The following SGPP2 variants were observed in gnomAD, a reference collection of about 807,000 sequenced individuals.
SGPP2 encodes the protein sphingosine-1-phosphate phosphatase 2.
A neutral mutation model predicts 33.9 loss-of-function variants in SGPP2; 30 were observed. The ratio of observed to expected loss-of-function variants is 0.89; its 90% CI spans 0.66 to 1.20. The LOEUF is 1.20. Among genes scored for constraint, SGPP2 ranks in the 50% most tolerant of loss-of-function variants. The pLI is 0.00. For missense variants in SGPP2, 458 were observed against 532.1 expected (o/e 0.86, Z 1.37); for synonymous variants, 233 against 225.0 (o/e 1.04, Z -0.32).
intron 4 of SGPP2, among the ~76,000 whole-genome samples, chr2:222,542,871 C>G (rs548244927): frequency 1.3e-5 from 2 of 151,088 alleles, no homozygotes; most frequent in African/African-American, 4.9e-5. Flanking sequence ...CTCACTGCAG[C>G]CTTGACCTCC....
At position 222,559,159 on chromosome 2, in the gene SGPP2, G is replaced by GCCACC. The variant is rs1306968136; in HGVS notation, c.*262_*263insCACCC. On this transcript the variant is annotated 3_prime_UTR_variant, in exon 5 of 5. Coordinates refer to ENST00000321276, the MANE Select transcript of SGPP2 (RefSeq NM_152386.4). ...ATCCGGATCTTTAAAGGCACACACC[G>GCCACC]CGCCCCCCCCCCCCCCGCCCGGCCC... The GCCACC allele has an allele frequency of 3.9e-5, 1 of 25,546 alleles. No individual in the cohort carries two copies. Among genetic ancestry groups the GCCACC allele is most frequent in the African/African-American group, 2.5e-4 (1 of 3,936 alleles). 1.6% of individuals were successfully genotyped at this position (25,546 alleles called of 1,614,324 possible).
At chr2:222,526,868 T>C (rs1698765958) in intron 4 of SGPP2, among the ~76,000 whole-genome samples, 1 of 151,150 alleles carries the variant, frequency 6.6e-6, no homozygotes, top group East Asian at 1.9e-4. Context: ...TGTTGGGAGG[T>C]TGGGGGTGAG....
intron 2 of SGPP2, among the ~76,000 whole-genome samples, chr2:222,515,503 A>G (rs1412834551): frequency 2.0e-5 from 3 of 151,708 alleles, no homozygotes; most frequent in East Asian, 2.0e-4. Flanking sequence ...TAATTTTTGT[A>G]TTTTTAGTAG....
rs1697643383 is a variant in SGPP2 at position 222,460,595 on chromosome 2, C to T, written c.220-13973C>T. Among the ~76,000 whole-genome samples, 1 of 152,192 alleles carries T rather than the reference C, an allele frequency of 6.6e-6. No individual in the cohort carries two copies. The highest frequency in any genetic ancestry group is 2.4e-5 in the African/African-American group (1 of 41,434). On this transcript the variant is annotated intron_variant, in intron 1 of 4. Transcript: ENST00000321276. The surrounding 1 kb of genome is among the most constrained non-coding windows in gnomAD (Gnocchi z 4.3). The stretch of plus-strand genomic sequence containing the variant: ...CTCTTGGCTCCAGCACTTTCAAAGG[C>T]TCCCTATTACCCAAGTTCTAAACCC...
intron 4 of SGPP2, among the ~76,000 whole-genome samples, chr2:222,549,779 C>T (rs1689260335): frequency 1.3e-5 from 2 of 151,742 alleles, no homozygotes; most frequent in South Asian, 2.1e-4. Flanking sequence ...ACATATAAAC[C>T]TTGGATGGCA....
chr2:222,506,728 C>T (rs950616380), intron 2 of SGPP2, among the ~76,000 whole-genome samples: 2 of 152,076 alleles, frequency 1.3e-5, no homozygotes, highest in Non-Finnish European at 2.9e-5. Context: ...TACTCACAAC[C>T]CTCAAGTTGC....
At chr2:222,475,373 G>T (rs1274681563) in intron 2 of SGPP2, among the ~76,000 whole-genome samples, 1 of 151,836 alleles carries the variant, frequency 6.6e-6, no homozygotes, top group African/African-American at 2.4e-5. Context: ...CCCAAGGGTA[G>T]ATCAAAGTAG....
intron 4 of SGPP2, among the ~76,000 whole-genome samples, chr2:222,547,158 C>T (rs1689217452): frequency 6.6e-6 from 1 of 152,184 alleles, no homozygotes; most frequent in East Asian, 1.9e-4. Context: ...TAGCGTCCAA[C>T]GTAACTCTTT....
intron 4 of SGPP2, among the ~76,000 whole-genome samples, chr2:222,530,344 A>G (rs1204779702): frequency 6.6e-6 from 1 of 152,238 alleles, no homozygotes; most frequent in African/African-American, 2.4e-5. Flanking sequence ...AAAGTCCTAG[A>G]TGGCATCTTC....
chr2:222,455,767 A>G (rs2106079929), intron 1 of SGPP2, among the ~76,000 whole-genome samples: 1 of 152,338 alleles, frequency 6.6e-6, no homozygotes, highest in East Asian at 1.9e-4. Flanking sequence ...ACTCTTCTAA[A>G]ATGTAAAACT....
intron 2 of SGPP2, among the ~76,000 whole-genome samples, chr2:222,485,299 A>G (rs1160481608): frequency 6.6e-6 from 1 of 152,194 alleles, no homozygotes; most frequent in Non-Finnish European, 1.5e-5. Flanking sequence ...CAGCAGCCAT[A>G]TGTCACAGAT....
At position 222,546,274 on chromosome 2, in the gene SGPP2, C is replaced by T. The variant is rs535671003; in HGVS notation, c.649-12073C>T. Among the ~76,000 whole-genome samples the T allele has an allele frequency of 5.3e-5, 8 of 152,296 alleles. No homozygotes were observed. The South Asian group carries it at 1.0e-3, about 20-fold the overall frequency. On this transcript the variant is annotated intron_variant, in intron 4 of 4. Transcript: ENST00000321276. ...CCACACCATAATCCTGAGCACTCAC[C>T]GCATTTCTGAAAGCAAAGGGTCACC...
intron 1 of SGPP2, among the ~76,000 whole-genome samples, chr2:222,472,227 T>A (rs1697855660): frequency 6.6e-6 from 1 of 152,208 alleles, no homozygotes; most frequent in South Asian, 2.1e-4. Context: ...CTTAGTGGCT[T>A]AAAATGCAAA....
chr2:222,511,444 T>C (rs1263787074), intron 2 of SGPP2, among the ~76,000 whole-genome samples: 1 of 152,106 alleles, frequency 6.6e-6, no homozygotes, highest in African/African-American at 2.4e-5. Context: ...TTTACTAAGG[T>C]GTTAATGGTC....
chr2:222,446,493 T>C (rs1221290069), intron 1 of SGPP2, among the ~76,000 whole-genome samples: 2 of 152,214 alleles, frequency 1.3e-5, no homozygotes, highest in Non-Finnish European at 2.9e-5. Context: ...TTCTAGATAA[T>C]GTTTTCTATG....
intron 1 of SGPP2, among the ~76,000 whole-genome samples, chr2:222,467,440 G>A (rs1225263420): frequency 1.3e-5 from 2 of 152,156 alleles, no homozygotes; most frequent in African/African-American, 4.8e-5. Flanking sequence ...TGTGTGCTAT[G>A]TACTCTTATT....
chr2:222,486,649 G>A (rs1698113974), intron 2 of SGPP2, among the ~76,000 whole-genome samples: 1 of 152,152 alleles, frequency 6.6e-6, no homozygotes, highest in African/African-American at 2.4e-5. Context: ...ATATTCTTGA[G>A]CGAAGTGTAG....
At chr2:222,425,007 C>T (rs543310653) in intron 1 of SGPP2, among the ~76,000 whole-genome samples, 186 bp downstream of exon 1, 6 of 152,324 alleles carry the variant, frequency 3.9e-5, no homozygotes, top group African/African-American at 1.4e-4. Context: ...CACCCTCCAA[C>T]GCTGCCAGGG....
chr2:222,516,712 C>T (rs969750399), intron 2 of SGPP2, among the ~76,000 whole-genome samples: 1 of 152,126 alleles, frequency 6.6e-6, no homozygotes, highest in Non-Finnish European at 1.5e-5. Context: ...AGGTGCTCCA[C>T]GTCCTCACCA....
Sources: gnomAD v4.1 joint callset for allele counts (sites outside exome capture counted in the v4.1 genomes callset) on GRCh38, gnomAD v4.1.1 for gene constraint, Gnocchi (gnomAD v3.1) non-coding constraint, MANE v1.5 for transcripts, NCBI Gene and HGNC (gene_info 2026-07-23, HGNC 2026-07-21) for gene names.